The following OPRM1 variants were observed in gnomAD, a reference collection of about 807,000 sequenced individuals.
OPRM1 encodes opioid receptor mu 1, also known as mu-type opioid receptor.
OPRM1 carries 27 observed loss-of-function variants against 31.8 expected under a neutral mutation model. The observed-to-expected ratio is 0.85, with a 90% confidence interval of 0.63 to 1.17. The LOEUF (loss-of-function observed/expected upper bound fraction) is 1.17. Ranked by LOEUF, OPRM1 falls within the 50% of genes most tolerant of loss-of-function variation. The pLI, the probability that OPRM1 is intolerant of heterozygous loss-of-function variation, is 0.00. For synonymous variants in OPRM1, 196 were observed against 189.9 expected (o/e 1.03, Z -0.26); for missense variants, 536 against 511.1 (o/e 1.05, Z -0.47).
intron 3 of OPRM1, among the ~76,000 whole-genome samples, chr6:154,241,234 CAA>C (rs11308882): frequency 2.6e-3 from 208 of 79,196 alleles, no homozygotes; most frequent in African/African-American, 8.1e-3. Flanking sequence ...GACTCCATCT[CAA>C]AAAAAAAAAA....
chr6:154,028,396 G>T (rs758011512), intron 1 of OPRM1, among the ~76,000 whole-genome samples: 2 of 152,156 alleles, frequency 1.3e-5, no homozygotes, highest in Non-Finnish European at 2.9e-5. Flanking sequence ...TCGTAGAGTG[G>T]AGAAAAGGGA....
chr6:154,176,926 T>C (rs1800383204), intron 3 of OPRM1, among the ~76,000 whole-genome samples: 1 of 152,200 alleles, frequency 6.6e-6, no homozygotes, highest in Non-Finnish European at 1.5e-5. Context: ...AGCATGACAC[T>C]GGTACTAAAA....
intron 3 of OPRM1, among the ~76,000 whole-genome samples, chr6:154,201,050 C>G (rs954391071): frequency 1.3e-5 from 2 of 152,064 alleles, no homozygotes; most frequent in Admixed American, 6.5e-5. Context: ...TTTGGCAGTT[C>G]CCACCTCACT....
rs566113475 is a variant in OPRM1 at position 154,097,965 on chromosome 6, C to T, written c.1164+6493C>T. On this transcript the variant is annotated intron_variant, in intron 3 of 3. Transcript: ENST00000330432. ...TGGCTGAGGGTTGGGTGCAGTGGCT[C>T]ACGCCTGTTATCCTAGTACTTTGGG... Among the ~76,000 whole-genome samples, 10 of 152,260 alleles carry T rather than the reference C, an allele frequency of 6.6e-5. No homozygotes were observed. In the East Asian group the frequency reaches 9.7e-4, roughly 15 times the overall value.
chr6:154,061,338 G>A (rs7772959), intron 1 of OPRM1, among the ~76,000 whole-genome samples: 21,968 of 152,086 alleles, frequency 0.14, 1,691 homozygotes, highest in Non-Finnish European at 0.17. Context: ...CCCGCACTGC[G>A]CTGTAACATC....
At chr6:154,241,042 C>T (rs1234386313) in intron 3 of OPRM1, among the ~76,000 whole-genome samples, 1 of 151,074 alleles carries the variant, frequency 6.6e-6, no homozygotes, top group African/African-American at 2.5e-5. Flanking sequence ...TCGAGACCAT[C>T]CTGGCCAACA....
intron 3 of OPRM1, among the ~76,000 whole-genome samples, chr6:154,151,935 G>A (rs1342038867): frequency 2.0e-5 from 3 of 152,096 alleles, no homozygotes. Flanking sequence ...AGCACTTTGG[G>A]AGGCTGAGGT....
chr6:154,133,069 C>T (rs1478280428), downstream of OPRM1, among the ~76,000 whole-genome samples: 4 of 150,116 alleles, frequency 2.7e-5, no homozygotes, highest in Non-Finnish European at 5.9e-5. Context: ...TGCAGTGAGC[C>T]GAAATTGTGC....
chr6:154,237,887 T>C (rs1336931553), intron 3 of OPRM1, among the ~76,000 whole-genome samples: 1 of 152,210 alleles, frequency 6.6e-6, no homozygotes, highest in Non-Finnish European at 1.5e-5. Context: ...TATACATTTA[T>C]GCACTATAAA....
intron 1 of OPRM1, among the ~76,000 whole-genome samples, chr6:154,083,046 G>C (rs1376995316): frequency 1.3e-5 from 2 of 152,140 alleles, no homozygotes; most frequent in Non-Finnish European, 2.9e-5. Flanking sequence ...ATGTCCTGAA[G>C]TAAAATTTTC....
At chr6:154,136,347 C>T (rs906441143), downstream of OPRM1, among the ~76,000 whole-genome samples, 1 of 152,178 alleles carries the variant, frequency 6.6e-6, no homozygotes, top group African/African-American at 2.4e-5. Context: ...ACGAAGAACA[C>T]TCTGCCCAAG....
chr6:154,099,919 C>CATATATTATCATATT (rs1208350850), intron 3 of OPRM1, among the ~76,000 whole-genome samples: 9 of 140,526 alleles, frequency 6.4e-5, no homozygotes, highest in South Asian at 2.2e-4. Context: ...TATATCATAA[C>CATATATTATCATATT]ATGTATTATC....
At chr6:154,188,037 A>C (rs915363784) in intron 3 of OPRM1, among the ~76,000 whole-genome samples, 3 of 152,242 alleles carry the variant, frequency 2.0e-5, no homozygotes. Context: ...CAAGAAAAAT[A>C]AGTAGCAGAT....
chr6:154,021,534 A>G (rs1778365510), intron 1 of OPRM1, among the ~76,000 whole-genome samples: 1 of 152,224 alleles, frequency 6.6e-6, no homozygotes, highest in African/African-American at 2.4e-5. Flanking sequence ...TTGGATCTAT[A>G]CATCAAGTTG....
In OPRM1 at chr6:154,122,727, T is replaced by C. The variant is rs762882230; in HGVS notation, c.*4006T>C. On this transcript the variant is annotated 3_prime_UTR_variant, in exon 4 of 4. Coordinates refer to ENST00000330432, the MANE Select transcript of OPRM1 (RefSeq NM_000914.5). ...GTGTGGCAAATGTTCAACCTTTTGT[T>C]ATGCAATATCACCCATATCAAATAC... 2.0e-5 allele frequency among the ~76,000 whole-genome samples: 3 copies of C among 152,194 alleles called. No homozygotes were observed. The highest frequency in any genetic ancestry group is 4.4e-5 in the Non-Finnish European group (3 of 68,030).
chr6:154,162,694 C>T (rs1450650422), intron 3 of OPRM1, among the ~76,000 whole-genome samples: 1 of 123,626 alleles, frequency 8.1e-6, no homozygotes, highest in Non-Finnish European at 1.8e-5. Context: ...GTATCCTGTT[C>T]TCTGCTCTAT....
At chr6:154,118,381 A>T (rs1289813700) in intron 3 of OPRM1, among the ~76,000 whole-genome samples, 1 of 152,212 alleles carries the variant, frequency 6.6e-6, no homozygotes, top group Non-Finnish European at 1.5e-5. Flanking sequence ...AGGGGGAGAA[A>T]GAGTTTCAAT....
chr6:154,229,406 G>A (rs2128624597), intron 3 of OPRM1, among the ~76,000 whole-genome samples: 1 of 141,026 alleles, frequency 7.1e-6, no homozygotes, highest in South Asian at 2.2e-4. Context: ...CTGGACTGCA[G>A]TGGCGCGATC....
chr6:154,219,848 T>G (rs1215605406), intron 3 of OPRM1, among the ~76,000 whole-genome samples: 3 of 152,178 alleles, frequency 2.0e-5, no homozygotes, highest in Admixed American at 2.0e-4. Context: ...GCCTTGTTAT[T>G]TCTAACACAG....
Sources: allele counts gnomAD v4.1 joint callset (sites outside exome capture counted in the v4.1 genomes callset), GRCh38; gene constraint gnomAD v4.1.1; transcripts MANE v1.5; gene names NCBI Gene and HGNC (gene_info 2026-07-23, HGNC 2026-07-21).